GRIP1: variants seen among roughly 807,000 people sequenced by gnomAD.
GRIP1 encodes glutamate receptor interacting protein 1.
GRIP1 carries 45 observed loss-of-function variants against 129.9 expected under a neutral mutation model. The observed-to-expected ratio is 0.35, with a 90% CI of 0.27 to 0.44. GRIP1 has a LOEUF of 0.44. GRIP1 is among the 20% of genes least tolerant of loss of function. GRIP1 has a pLI of 1.00. For missense variants in GRIP1, 1,196 were observed against 1,396.8 expected, an observed-to-expected ratio of 0.86 and a Z score of 2.29; for synonymous variants, 530 against 520.8, an observed-to-expected ratio of 1.02 and a Z score of -0.24.
In GRIP1 at chr12:66,392,395, C is replaced by T. The variant is rs767322707; in HGVS notation, c.2377G>A (p.Asp793Asn). 5.6e-6 allele frequency: 9 copies of T among 1,613,944 alleles called. No individual in the cohort carries two copies. The highest frequency in any genetic ancestry group is 5.0e-5 in the Admixed American group (3 of 60,022). Residue 793 changes from aspartate to asparagine, a missense_variant, in exon 19 of 25, where the codon GAC (aspartate) becomes AAC (asparagine). Around this residue, in one of 5 missense-constraint regions of GRIP1, gnomAD observed 427 missense variants for 463.3 expected, o/e 0.92. Transcript: ENST00000359742. ...SPAQKPGKLSDMYPSTVPSVD... is the reference protein window; with the variant it reads ...SPAQKPGKLSNMYPSTVPSVD... ...CTGGGCACCGTGGAGGGGTACATGT[C>T]GGAGAGCTTGCCTGGCTTCTGTGCT...
chr12:66,862,791 G>C (rs2040135419), intron 1 of GRIP1, among the ~76,000 whole-genome samples: 1 of 152,098 alleles, frequency 6.6e-6, no homozygotes, highest in African/African-American at 2.4e-5. Flanking sequence ...TACTGGCAGA[G>C]AGAATGCAGT....
intron 2 of GRIP1, among the ~76,000 whole-genome samples, chr12:66,594,653 G>A (rs938271273): frequency 2.0e-5 from 3 of 152,018 alleles, no homozygotes; most frequent in African/African-American, 7.3e-5. Flanking sequence ...GAGTGGTCAG[G>A]AGACCACTTC....
At chr12:67,025,366 C>A (rs1417412943) in intron 1 of GRIP1, among the ~76,000 whole-genome samples, 1 of 152,058 alleles carries the variant, frequency 6.6e-6, no homozygotes, top group Non-Finnish European at 1.5e-5. Context: ...CACATACACA[C>A]ACACAAAGAA....
intron 1 of GRIP1, among the ~76,000 whole-genome samples, chr12:67,005,377 T>C (rs1403916929): frequency 6.6e-6 from 1 of 152,184 alleles, no homozygotes; most frequent in Non-Finnish European, 1.5e-5. Flanking sequence ...TTCTGAAATA[T>C]AAAGACAGTA....
At chr12:66,764,569 G>T (rs1356982922) in intron 1 of GRIP1, among the ~76,000 whole-genome samples, 1 of 152,172 alleles carries the variant, frequency 6.6e-6, no homozygotes. Context: ...AAATGAATGG[G>T]TTACAATTAC....
chr12:66,670,460 G>A (rs775692061), intron 1 of GRIP1, among the ~76,000 whole-genome samples: 3 of 152,160 alleles, frequency 2.0e-5, no homozygotes, highest in African/African-American at 7.2e-5. Flanking sequence ...TAGCAGTGGC[G>A]CTCATAACTT....
At chr12:66,834,469 C>T (rs17182385) in intron 1 of GRIP1, among the ~76,000 whole-genome samples, 41,509 of 152,100 alleles carry the variant, frequency 0.27, 6,853 homozygotes, top group Non-Finnish European at 0.37. Context: ...ACTGTAAAGG[C>T]TTAAAAACTC....
At chr12:66,369,776 C>T (rs1259932074) in intron 23 of GRIP1, among the ~76,000 whole-genome samples, 1 of 152,162 alleles carries the variant, frequency 6.6e-6, no homozygotes, top group Non-Finnish European at 1.5e-5. Flanking sequence ...CTTCTTGGTA[C>T]AGCAGACTTA....
chr12:66,753,815 A>C (rs1306746782), intron 1 of GRIP1, among the ~76,000 whole-genome samples: 1 of 152,224 alleles, frequency 6.6e-6, no homozygotes, highest in African/African-American at 2.4e-5. Flanking sequence ...ATGTTTACTG[A>C]AAGTGGTTAA....
chr12:66,506,285 C>T (rs1193314795), intron 7 of GRIP1, among the ~76,000 whole-genome samples: 3 of 152,042 alleles, frequency 2.0e-5, no homozygotes, highest in Non-Finnish European at 4.4e-5. Context: ...CTGAAAAATA[C>T]CCAAATAGTA....
chr12:66,363,200 C>CATATATATATATATATATATATATAT (rs35452357), intron 23 of GRIP1, among the ~76,000 whole-genome samples: 1 of 88,280 alleles, frequency 1.1e-5, no homozygotes. Context: ...TGTGTGTGTC[C>CATATATATATATATATATATATATAT]ATATATATAT....
chr12:66,781,248 C>A lies in GRIP1; in HGVS notation c.-420+22805G>T, dbSNP rs1196934070. On this transcript the variant is annotated intron_variant, in intron 1 of 4. Transcript: ENST00000538373. ...AGTAGCTTAATTGATTGGGGTAGCA[C>A]AATCAATTTTCCCTTGCTTTCAATG... Among the ~76,000 whole-genome samples the A allele has an allele frequency of 2.6e-5, 4 of 152,168 alleles. No individual in the cohort carries two copies. The East Asian group carries it at 7.7e-4, about 29-fold the overall frequency.
chr12:66,948,133 G>A (rs2041700576), intron 1 of GRIP1, among the ~76,000 whole-genome samples: 1 of 152,152 alleles, frequency 6.6e-6, no homozygotes. Context: ...CAAGGCCAGG[G>A]TTTAAAGAAA....
chr12:66,532,180 A>G (rs2061480950), intron 4 of GRIP1, among the ~76,000 whole-genome samples: 1 of 152,214 alleles, frequency 6.6e-6, no homozygotes, highest in South Asian at 2.1e-4. Context: ...AATACAATTA[A>G]TGAAATAGAT....
intron 1 of GRIP1, among the ~76,000 whole-genome samples, chr12:66,618,856 C>T (rs965485269): frequency 6.6e-6 from 1 of 151,836 alleles, no homozygotes; most frequent in Non-Finnish European, 1.5e-5. Context: ...ATAGTAAAAA[C>T]AAAAAATGAG....
intron 1 of GRIP1, among the ~76,000 whole-genome samples, chr12:66,749,415 C>A (rs1004195256): frequency 6.6e-6 from 1 of 152,260 alleles, no homozygotes; most frequent in East Asian, 1.9e-4. Flanking sequence ...CAGCTGTGTA[C>A]CATGCAATGG....
rs375039828 is a variant in GRIP1 at position 66,406,349 on chromosome 12, C to T, written c.1918G>A (p.Val640Ile). The change falls in exon 16 of 25, where the codon GTT becomes ATT. Residue 640 changes from valine to isoleucine, a missense_variant. By Grantham distance (29) the Val-to-Ile change is conservative (BLOSUM62 3). This residue lies in a region of GRIP1 where 508 missense variants were observed against 587.0 expected (regional missense o/e 0.87). Coordinates refer to ENST00000359742, the MANE Select transcript of GRIP1 (RefSeq NM_001366722.1). The part of the protein sequence containing the change: ...RLDNCSMEDA[V>I]QILQQCEDLV... ...TCTTCACATTGCTGGAGGATCTGAA[C>T]TGCATCTTCCATGGAACAGTTGTCC... 28 of 1,613,816 alleles carry T rather than the reference C, an allele frequency of 1.7e-5. No individual in the cohort carries two copies. In the African/African-American group the frequency reaches 2.7e-4, roughly 15 times the overall value.
chr12:67,059,869 A>G (rs1296140131), intron 1 of GRIP1, among the ~76,000 whole-genome samples: 1 of 152,216 alleles, frequency 6.6e-6, no homozygotes, highest in Non-Finnish European at 1.5e-5. Context: ...AGGTTACATA[A>G]GTACTGAAAA....
chr12:66,455,334 A>T (rs902668565), intron 11 of GRIP1, 75 bp downstream of exon 11: 29 of 1,328,590 alleles, frequency 2.2e-5, no homozygotes, highest in Non-Finnish European at 2.9e-5. Context: ...TCTTCCCACA[A>T]TTTCGGTATT....
Sources: gnomAD v4.1 joint callset for allele counts (sites outside exome capture counted in the v4.1 genomes callset) on GRCh38, gnomAD v4.1.1 for gene constraint, gnomAD v4.1.1 regional missense constraint, MANE v1.5 for transcripts, NCBI Gene and HGNC (gene_info 2026-07-23, HGNC 2026-07-21) for gene names.